RGS5: variants seen among roughly 807,000 people sequenced by gnomAD.
RGS5 encodes regulator of G protein signaling 5.
A neutral mutation model predicts 18.9 loss-of-function variants in RGS5; 20 were observed. The observed-to-expected ratio is 1.06, with a 90% CI of 0.74 to 1.54. The LOEUF (loss-of-function observed/expected upper bound fraction) is 1.54, where lower values mean the gene tolerates loss of function less well. Ranked by LOEUF, RGS5 falls within the 40% of genes most tolerant of loss-of-function variation. The pLI, the probability that RGS5 is intolerant of heterozygous loss-of-function variation, is 0.00. For synonymous variants in RGS5, 57 were observed against 76.2 expected, an observed-to-expected ratio of 0.75 and a Z score of 1.31; for missense variants, 201 against 211.8, an observed-to-expected ratio of 0.95 and a Z score of 0.32.
intron 2 of RGS5, chr1:163,238,460 T>C (rs1647690592): frequency 6.6e-6 from 1 of 152,532 alleles, no homozygotes; most frequent in Non-Finnish European, 1.5e-5. Context: ...GATTGCTAAA[T>C]TAAAATAAGA....
intron 2 of RGS5, among the ~76,000 whole-genome samples, chr1:163,242,609 T>G (rs899063008): frequency 6.6e-5 from 10 of 152,164 alleles, no homozygotes; most frequent in African/African-American, 2.4e-4. Context: ...GGACAAGTAT[T>G]GAATGTCAGG....
chr1:163,191,503 T>C (rs956771565), intron 1 of RGS5, among the ~76,000 whole-genome samples: 4 of 152,050 alleles, frequency 2.6e-5, no homozygotes, highest in African/African-American at 7.2e-5. Context: ...GAAACATTGG[T>C]TGTCTAAAAT....
At chr1:163,261,086 T>A (rs1648422165) in intron 2 of RGS5, among the ~76,000 whole-genome samples, 1 of 142,404 alleles carries the variant, frequency 7.0e-6, no homozygotes, top group Non-Finnish European at 1.6e-5. Context: ...AAATTTAACT[T>A]TTGTATTTTG....
At chr1:163,268,062 T>C (rs1336714687) in intron 2 of RGS5, among the ~76,000 whole-genome samples, 1 of 152,090 alleles carries the variant, frequency 6.6e-6, no homozygotes, top group Non-Finnish European at 1.5e-5. Context: ...TCCTAAGGTT[T>C]CTGTGGCTTT....
chr1:163,198,643 T>A (rs1659662956), intron 1 of RGS5, among the ~76,000 whole-genome samples: 1 of 152,068 alleles, frequency 6.6e-6, no homozygotes, highest in Admixed American at 6.6e-5. Flanking sequence ...ATAATCCTCT[T>A]TTTTCAGAGA....
In RGS5 at chr1:163,142,539, C is replaced by T. The variant is rs1331862516; in HGVS notation, c.*4803G>A. The T allele has an allele frequency of 6.9e-6, 1 of 144,132 alleles. No homozygotes were observed. The highest frequency in any genetic ancestry group is 2.9e-5 in the African/African-American group (1 of 34,646). The allele number at this position is 144,132 out of a possible 1,614,324, so 8.9% of individuals were successfully genotyped here. ...GGCTGTGTCTTCCGAAGATGAGTTG[C>T]TAGTTGCAACATTAAAAAAAAATAG... On this transcript the variant is annotated 3_prime_UTR_variant, in exon 5 of 5. Coordinates refer to ENST00000313961, the MANE Select transcript of RGS5 (RefSeq NM_003617.4).
chr1:163,179,733 C>T (rs748585265), intron 1 of RGS5, among the ~76,000 whole-genome samples: 4 of 152,076 alleles, frequency 2.6e-5, no homozygotes, highest in Non-Finnish European at 5.9e-5. Flanking sequence ...GTGAGAAAAC[C>T]TCTAATAGCT....
intron 1 of RGS5, among the ~76,000 whole-genome samples, chr1:163,180,720 A>T (rs1481390443): frequency 3.0e-4 from 16 of 54,072 alleles, no homozygotes; most frequent in African/African-American, 1.4e-3. Flanking sequence ...TTTGAGACGG[A>T]GTCTCGCTCT....
At chr1:163,243,894 A>G (rs1647865024) in intron 2 of RGS5, among the ~76,000 whole-genome samples, 1 of 152,152 alleles carries the variant, frequency 6.6e-6, no homozygotes, top group African/African-American at 2.4e-5. Context: ...TTGGTTAAGG[A>G]CATGGGCCTT....
intron 1 of RGS5, among the ~76,000 whole-genome samples, chr1:163,179,335 T>G (rs1023727823): frequency 1.3e-5 from 2 of 152,226 alleles, no homozygotes; most frequent in African/African-American, 4.8e-5. Flanking sequence ...GGTATCTATT[T>G]CATAAGCCTC....
intron 2 of RGS5, among the ~76,000 whole-genome samples, chr1:163,163,039 CGGGG>C (rs148165074): frequency 1.1e-4 from 15 of 131,982 alleles, no homozygotes; most frequent in Admixed American, 4.3e-4. Flanking sequence ...AATGATATTT[CGGGG>C]GGGGGGGTGG....
intron 2 of RGS5, among the ~76,000 whole-genome samples, chr1:163,273,407 GTT>G (rs1283238138): frequency 6.6e-6 from 1 of 152,110 alleles, no homozygotes; most frequent in East Asian, 1.9e-4. Context: ...CTGGGACACT[GTT>G]TTTAGGTGAA....
chr1:163,234,939 G>A (rs1047012188), intron 2 of RGS5, among the ~76,000 whole-genome samples: 1 of 152,160 alleles, frequency 6.6e-6, no homozygotes, highest in Non-Finnish European at 1.5e-5. Context: ...AAAGATTGGA[G>A]GTAGAAGCTA....
chr1:163,223,350 T>C (rs1468604691), intron 2 of RGS5, among the ~76,000 whole-genome samples: 1 of 152,204 alleles, frequency 6.6e-6, no homozygotes, highest in East Asian at 1.9e-4. Flanking sequence ...TGGCATCTCC[T>C]ACTGCAATCA....
intron 2 of RGS5, among the ~76,000 whole-genome samples, chr1:163,223,034 G>A (rs908787808): frequency 1.4e-5 from 2 of 146,424 alleles, no homozygotes; most frequent in African/African-American, 2.7e-5. Context: ...TAATAGAGAC[G>A]GGGTTTTACC....
At chr1:163,277,084 G>C (rs957690497) in intron 2 of RGS5, among the ~76,000 whole-genome samples, 34 of 152,140 alleles carry the variant, frequency 2.2e-4, no homozygotes, top group Admixed American at 2.0e-4. Context: ...TCATCTGCAT[G>C]ATAAATTTTG....
intron 2 of RGS5, among the ~76,000 whole-genome samples, chr1:163,303,077 G>A (rs943878020): frequency 2.0e-5 from 3 of 152,106 alleles, no homozygotes; most frequent in Admixed American, 6.6e-5. Context: ...GCTAGATTTT[G>A]AAAGAACACA....
chr1:163,184,276 T>C (rs578252800), intron 1 of RGS5, among the ~76,000 whole-genome samples: 9 of 151,928 alleles, frequency 5.9e-5, no homozygotes, highest in Admixed American at 2.6e-4. Context: ...GTACTTCAAA[T>C]GCAAGTCACA....
intron 4 of RGS5, among the ~76,000 whole-genome samples, chr1:163,150,110 T>G (rs1244263124): frequency 6.6e-6 from 1 of 152,192 alleles, no homozygotes; most frequent in African/African-American, 2.4e-5. Context: ...AGGATCATTA[T>G]TCTACATAAT....
Sources: allele counts gnomAD v4.1 joint callset (sites outside exome capture counted in the v4.1 genomes callset), GRCh38; gene constraint gnomAD v4.1.1; transcripts MANE v1.5; gene names NCBI Gene and HGNC (gene_info 2026-07-23, HGNC 2026-07-21).